The following TUB variants were observed in gnomAD, a reference collection of about 807,000 sequenced individuals.
TUB encodes the protein TUB bipartite transcription factor, also known as tubby protein homolog.
TUB carries 33 observed loss-of-function variants against 59.7 expected under a neutral mutation model. That is an observed-to-expected ratio of 0.55 (90% CI 0.42 to 0.74). The LOEUF is 0.74. TUB is among the 30% of genes least tolerant of loss of function. TUB has a pLI of 0.00. For missense variants in TUB, 659 were observed against 672.0 expected, an observed-to-expected ratio of 0.98 and a Z score of 0.21; for synonymous variants, 293 against 256.4, an observed-to-expected ratio of 1.14 and a Z score of -1.36.
chr11:8,047,173 C>T (rs1467412579), intron 2 of TUB, among the ~76,000 whole-genome samples: 1 of 152,166 alleles, frequency 6.6e-6, no homozygotes, highest in South Asian at 2.1e-4. Flanking sequence ...CCCCCAAACT[C>T]ATGTACTCTT....
chr11:8,028,775 C>T (rs1213267983), intron 1 of TUB, among the ~76,000 whole-genome samples: 3 of 44,338 alleles, frequency 6.8e-5, no homozygotes, highest in East Asian at 7.0e-4. Flanking sequence ...TTGGGAGGCT[C>T]GGGTAGGAGG....
intron 2 of TUB, among the ~76,000 whole-genome samples, chr11:8,070,333 C>T (rs1403584311): frequency 6.6e-6 from 1 of 152,128 alleles, no homozygotes; most frequent in Non-Finnish European, 1.5e-5. Flanking sequence ...TTATATGAAT[C>T]ACAAATCAGT....
At position 8,101,497 on chromosome 11, in the gene TUB, G is replaced by T; in HGVS notation, c.1399G>T (p.Val467Leu). 6.2e-7 allele frequency: 1 copy of T among 1,614,180 alleles called. No homozygotes were observed. Among genetic ancestry groups the T allele is most frequent in the Non-Finnish European group, 8.5e-7 (1 of 1,180,044 alleles). The stretch of plus-strand genomic sequence containing the variant: ...GTGCTTGGCCCCAGCGGACTACATC[G>T]TGATGCAGTTTGGCCGGGTAGCAGA... Reference protein sequence around the residue: ...IIHGNDPDYIVMQFGRVAEDV... With the variant: ...IIHGNDPDYILMQFGRVAEDV... The change falls in exon 12 of 12, where the codon GTG becomes TTG. Residue 467 changes from valine (V) to leucine (L), a missense_variant. Val to Leu is a conservative substitution (Grantham distance 32, BLOSUM62 1). This residue lies in a region of TUB where 226 missense variants were observed against 210.8 expected (regional missense o/e 1.07). Transcript: ENST00000299506.
At chr11:8,038,686 A>G (rs1461799879) in exon 1 of TUB, 4 of 1,421,582 alleles carry the variant, frequency 2.8e-6, no homozygotes, top group African/African-American at 1.4e-5. Context: ...CGACCAGAAG[A>G]TGTTTCCATG....
intron 1 of TUB, among the ~76,000 whole-genome samples, chr11:8,029,448 G>C (rs111876386): frequency 0.026 from 3,855 of 148,208 alleles, 164 homozygotes; most frequent in African/African-American, 0.09. Context: ...GAGTGCAGTG[G>C]TGCGACCTCG....
At chr11:8,074,938 G>A (rs1308090987) in intron 2 of TUB, among the ~76,000 whole-genome samples, 1 of 151,678 alleles carries the variant, frequency 6.6e-6, no homozygotes, top group Non-Finnish European at 1.5e-5. Flanking sequence ...GTAGAGACGG[G>A]TTTGCCATGT....
upstream of TUB, chr11:8,076,487 C>T (rs143495080): frequency 7.9e-5 from 12 of 152,314 alleles, no homozygotes; most frequent in East Asian, 2.3e-3. Context: ...CAGCTAATGG[C>T]ATGGACCCAG....
At chr11:8,030,618 T>C (rs1003915244) in intron 1 of TUB, among the ~76,000 whole-genome samples, 2 of 152,210 alleles carry the variant, frequency 1.3e-5, no homozygotes, top group Admixed American at 1.3e-4. Context: ...GGGAACAGCC[T>C]GTCCATGCTT....
chr11:8,043,514 G>A (rs768349792), intron 2 of TUB, among the ~76,000 whole-genome samples: 1 of 152,206 alleles, frequency 6.6e-6, no homozygotes, highest in African/African-American at 2.4e-5. Context: ...AGTTTGGAGA[G>A]TATTGCCATC....
chr11:8,043,122 A>G (rs1942779269), intron 2 of TUB, among the ~76,000 whole-genome samples: 1 of 152,182 alleles, frequency 6.6e-6, no homozygotes, highest in Non-Finnish European at 1.5e-5. Flanking sequence ...GGTGTGAGGT[A>G]GGGGTCCCAA....
intron 1 of TUB, 134 bp from the exon 2 acceptor site, chr11:8,089,476 C>A: frequency 9.5e-7 from 1 of 1,057,658 alleles, no homozygotes; most frequent in Non-Finnish European, 1.4e-6. Flanking sequence ...CTCCTTCTAC[C>A]ATGTGGGCTC....
upstream of TUB, among the ~76,000 whole-genome samples, chr11:8,033,877 C>G (rs1192297732): frequency 3.3e-5 from 5 of 152,266 alleles, no homozygotes; most frequent in Non-Finnish European, 7.3e-5. Flanking sequence ...TGTCTTGCAG[C>G]CTTTCCCCCT....
Position 8,081,225 on chromosome 11 carries a change from G to C in TUB, c.-286G>C, listed in dbSNP as rs2133812956. 1 of 285,266 alleles carries C rather than the reference G, an allele frequency of 3.5e-6. No individual in the cohort carries two copies. The highest frequency in any genetic ancestry group is 2.3e-5 in the African/African-American group (1 of 43,884). 17.7% of individuals were successfully genotyped at this position (285,266 alleles called of 1,614,324 possible). On this transcript the variant is annotated 5_prime_UTR_variant, in exon 1 of 12. Coordinates refer to ENST00000299506, the MANE Select transcript of TUB (RefSeq NM_177972.3). ...TGCCACGCAGTACTCCCGCCTTGGC[G>C]CCAGAGGGGCGCGGGACGGTGCGGT...
At chr11:8,047,037 C>G (rs1942845589) in intron 2 of TUB, among the ~76,000 whole-genome samples, 1 of 152,224 alleles carries the variant, frequency 6.6e-6, no homozygotes, top group Non-Finnish European at 1.5e-5. Flanking sequence ...GACAAGCTTG[C>G]TCTAAAGCTT....
intron 1 of TUB, among the ~76,000 whole-genome samples, chr11:8,029,153 A>G (rs2133706166): frequency 6.6e-6 from 1 of 152,320 alleles, no homozygotes; most frequent in South Asian, 2.1e-4. Flanking sequence ...CTCTTCTGCA[A>G]CATATCTTCT....
At chr11:8,097,163 C>G (rs932274975) in intron 6 of TUB, 65 bp from the exon 7 acceptor site, 3 of 1,576,758 alleles carry the variant, frequency 1.9e-6, no homozygotes, top group South Asian at 1.1e-5. Flanking sequence ...GATTTGGATC[C>G]CAGACCACCA....
rs768991856 is a variant in TUB at position 8,073,332 on chromosome 11, C to T, written c.204-16278C>T. 7.9e-5 allele frequency among the ~76,000 whole-genome samples: 12 copies of T among 152,162 alleles called. No individual in the cohort carries two copies. The South Asian group carries it at 8.3e-4, about 11-fold the overall frequency. ...ATAAATTTTCAAAGAGTTTAAATTG[C>T]ATTTCAGGGACTGATTCCTCTTGTT... On this transcript the variant is annotated intron_variant, in intron 2 of 12. Transcript: ENST00000305253.
chr11:8,043,855 G>A (rs945730256), intron 2 of TUB, among the ~76,000 whole-genome samples: 19 of 152,122 alleles, frequency 1.2e-4, no homozygotes, highest in African/African-American at 4.3e-4. Context: ...TATGAGTAGA[G>A]ATAGTTTTAT....
At chr11:8,089,998 AC>A (rs1021179114) in intron 2 of TUB, 70 bp from the exon 3 acceptor site, 4 of 1,483,252 alleles carry the variant, frequency 2.7e-6, no homozygotes, top group East Asian at 2.5e-5. Context: ...TGGGCTGTGG[AC>A]CCCCCGATAA....
Sources: gnomAD v4.1 joint callset for allele counts (sites outside exome capture counted in the v4.1 genomes callset) on GRCh38, gnomAD v4.1.1 for gene constraint, gnomAD v4.1.1 regional missense constraint, MANE v1.5 for transcripts, NCBI Gene and HGNC (gene_info 2026-07-23, HGNC 2026-07-21) for gene names.